OR2T12: variants seen among roughly 807,000 people sequenced by gnomAD.
OR2T12 encodes olfactory receptor family 2 subfamily T member 12.
For synonymous variants in OR2T12, 127 were observed against 160.5 expected (o/e 0.79, Z 1.58); for missense variants, 335 against 404.3 (o/e 0.83, Z 1.47).
chr1:248,295,638 C>G, intron 2 of OR2T12, 52 bp from the exon 3 acceptor site: 17 of 1,529,816 alleles, frequency 1.1e-5, no homozygotes, highest in Non-Finnish European at 1.4e-5. Context: ...CTTTTATGGT[C>G]TGAATAACTG....
chr1:248,297,535 A>C (rs1558278003), intron 2 of OR2T12, among the ~76,000 whole-genome samples: 1 of 152,140 alleles, frequency 6.6e-6, no homozygotes, highest in Non-Finnish European at 1.5e-5. Context: ...TTCATTGAGC[A>C]GTGGTTTGCA....
At chr1:248,297,050 C>A (rs943931056) in intron 2 of OR2T12, among the ~76,000 whole-genome samples, 2 of 152,120 alleles carry the variant, frequency 1.3e-5, no homozygotes, top group African/African-American at 4.8e-5. Context: ...AGGAAGGGAT[C>A]CAGCTTCAGC....
chr1:248,294,521 AACTT>A lies in OR2T12; in HGVS notation c.*91_*94del. Reference sequence around the variant, plus strand: ...AAATATCTTATTATATCAATACACAAACTTAATTTTCTCTTCATGAATTACTAAA... The same window carrying A: ...AAATATCTTATTATATCAATACACAAAATTTTCTCTTCATGAATTACTAAA... On this transcript the variant is annotated 3_prime_UTR_variant, in exon 3 of 3. Coordinates refer to ENST00000641276, the MANE Select transcript of OR2T12 (RefSeq NM_001004692.2). The A allele has an allele frequency of 6.9e-7, 1 of 1,457,170 alleles. No individual in the cohort carries two copies. The highest frequency in any genetic ancestry group is 9.3e-7 in the Non-Finnish European group (1 of 1,080,446). 90.3% of individuals were successfully genotyped at this position (1,457,170 alleles called of 1,614,324 possible). A position where few individuals can be genotyped will look rare whatever the true frequency, so the allele number is the denominator to read the frequency against.
At chr1:248,302,735 A>G (rs1048576189) in intron 1 of OR2T12, among the ~76,000 whole-genome samples, 1 of 152,100 alleles carries the variant, frequency 6.6e-6, no homozygotes, top group Non-Finnish European at 1.5e-5. Flanking sequence ...ATGTATAAGG[A>G]GATGTCCTGA....
intron 1 of OR2T12, among the ~76,000 whole-genome samples, chr1:248,302,807 C>A (rs1036787452): frequency 2.6e-5 from 4 of 152,012 alleles, no homozygotes; most frequent in Non-Finnish European, 5.9e-5. Flanking sequence ...ATACACATAG[C>A]CTGAATGTAA....
chr1:248,294,077 C>G lies in OR2T12; in HGVS notation c.*539G>C, dbSNP rs1659674597. The G allele has an allele frequency of 6.5e-6, 1 of 152,762 alleles. No homozygotes were observed. Among genetic ancestry groups the G allele is most frequent in the South Asian group, 2.0e-4 (1 of 4,888 alleles). The allele number at this position is 152,762 out of a possible 1,614,324, so 9.5% of individuals were successfully genotyped here. On this transcript the variant is annotated 3_prime_UTR_variant, in exon 3 of 3. Transcript: ENST00000641276. ...ATTTAGTTTTTAATTGTAGAGCATA[C>G]ACATGGGAAATAACACTCAAAATAC...
chr1:248,295,319 T>C lies in OR2T12; in HGVS notation c.260A>G (p.Asn87Ser), dbSNP rs149759122. The C allele has an allele frequency of 2.1e-3, 3,395 of 1,592,880 alleles. 18 individuals are homozygous for C. The African/African-American group carries it at 0.033, about 16-fold the overall frequency. The change falls in exon 3 of 3, where the codon AAT becomes AGT. Residue 87 changes from asparagine (N) to serine (S), a missense_variant. Physicochemically the swap from Asn to Ser is conservative, Grantham distance 46. Transcript: ENST00000641276. ...ACAGCCAGCGCGGGAGATGGCCTTATTTCCGGTCAAGTAGTCAGCCGCCAT... is the reference window on the plus strand; with the variant it reads ...ACAGCCAGCGCGGGAGATGGCCTTACTTCCGGTCAAGTAGTCAGCCGCCAT... ...PKMAADYLTG[N>S]KAISRAGCGV...
Position 248,295,340 on chromosome 1 carries a change from G to A in OR2T12, c.239C>T (p.Ala80Val). The A allele has an allele frequency of 6.2e-7, 1 of 1,607,654 alleles. No homozygotes were observed. Residue 80 changes from alanine to valine, a missense_variant, in exon 3 of 3, where the codon GCG becomes GTG. By Grantham distance (64) the Ala-to-Val change is moderately conservative (BLOSUM62 0). Coordinates refer to ENST00000641276, the MANE Select transcript of OR2T12 (RefSeq NM_001004692.2). Reference protein sequence around the residue: ...MLVSTTVPKMAADYLTGNKAI... With the variant: ...MLVSTTVPKMVADYLTGNKAI... ...CTTATTTCCGGTCAAGTAGTCAGCCGCCATTTTGGGCACAGTGGTGGAAAC... is the reference window on the plus strand; with the variant it reads ...CTTATTTCCGGTCAAGTAGTCAGCCACCATTTTGGGCACAGTGGTGGAAAC...
rs540106167 is a variant in OR2T12 at position 248,290,584 on chromosome 1, G to A, written c.*4032C>T. On this transcript the variant is annotated 3_prime_UTR_variant, in exon 3 of 3. Coordinates refer to ENST00000641276, the MANE Select transcript of OR2T12 (RefSeq NM_001004692.2). Reference sequence around the variant, plus strand: ...CCTTTGGGTATATACCCAGAAATGGGATTTCTGGGTCAAATGGCATTTCTA... The same window carrying A: ...CCTTTGGGTATATACCCAGAAATGGAATTTCTGGGTCAAATGGCATTTCTA... The A allele has an allele frequency of 6.6e-6, 1 of 152,250 alleles. No homozygotes were observed. Among genetic ancestry groups the A allele is most frequent in the Non-Finnish European group, 1.5e-5 (1 of 68,022 alleles). 9.4% of individuals were successfully genotyped at this position (152,250 alleles called of 1,614,324 possible). A position where few individuals can be genotyped will look rare whatever the true frequency, so the allele number is the denominator to read the frequency against.
rs1659809403 is a variant in OR2T12, at chr1:248,301,353, A to C, written c.-9+20T>G. 1 of 152,134 alleles carries C rather than the reference A, an allele frequency of 6.6e-6. No individual in the cohort carries two copies. The highest frequency in any genetic ancestry group is 6.5e-5 in the Admixed American group (1 of 15,270). The allele number at this position is 152,134 out of a possible 1,614,324, so 9.4% of individuals were successfully genotyped here. A position where few individuals can be genotyped will look rare whatever the true frequency, so the allele number is the denominator to read the frequency against. On this transcript the variant is annotated intron_variant, in intron 2 of 2. Transcript: ENST00000641276. ...CATTCCTTCTAAGTAAGTAAGATAC[A>C]TATGAGAAATTGTGCTTACCTTTAG...
At chr1:248,302,066 T>A (rs1239188306) in intron 1 of OR2T12, among the ~76,000 whole-genome samples, 2 of 151,302 alleles carry the variant, frequency 1.3e-5, no homozygotes, top group Non-Finnish European at 2.9e-5. Context: ...AGTGAAGCCT[T>A]ATGTGAAATA....
chr1:248,301,308 G>T (rs971486287), intron 2 of OR2T12, 65 bp downstream of exon 2: 1 of 152,066 alleles, frequency 6.6e-6, no homozygotes, highest in Non-Finnish European at 1.5e-5. Context: ...AAATAATGTT[G>T]TTTCTAACGA....
At chr1:248,295,990 G>A (rs976310730) in intron 2 of OR2T12, among the ~76,000 whole-genome samples, 4 of 151,598 alleles carry the variant, frequency 2.6e-5, no homozygotes, top group Non-Finnish European at 5.9e-5. Flanking sequence ...ATCTCCCAGT[G>A]CTATCCCTCC....
At chr1:248,295,994 T>C (rs1659720275) in intron 2 of OR2T12, among the ~76,000 whole-genome samples, 1 of 134,642 alleles carries the variant, frequency 7.4e-6, no homozygotes, top group Non-Finnish European at 1.6e-5. Flanking sequence ...CCCAGTGCTA[T>C]CCCTCCCCCC....
intron 2 of OR2T12, 82 bp downstream of exon 2, chr1:248,301,291 T>C (rs1471648533): frequency 6.6e-6 from 1 of 152,102 alleles, no homozygotes; most frequent in East Asian, 1.9e-4. Context: ...TAAAATTCTA[T>C]AAAGAAAAAT....
At chr1:248,300,159 AAAAGAATATGTCTCC>A (rs1478545788) in intron 2 of OR2T12, among the ~76,000 whole-genome samples, 1 of 152,176 alleles carries the variant, frequency 6.6e-6, no homozygotes, top group African/African-American at 2.4e-5. Flanking sequence ...AGTTTTTCCA[AAAAGAATATGTCTCC>A]AAAGCAAACA....
chr1:248,299,523 C>G (rs1659783493), intron 2 of OR2T12, among the ~76,000 whole-genome samples: 1 of 152,058 alleles, frequency 6.6e-6, no homozygotes, highest in African/African-American at 2.4e-5. Flanking sequence ...CAGGAGCATC[C>G]AGATTCATAA....
chr1:248,297,994 A>T (rs554509062), intron 2 of OR2T12, among the ~76,000 whole-genome samples: 1 of 151,504 alleles, frequency 6.6e-6, no homozygotes, highest in Admixed American at 6.6e-5. Context: ...GGTTTGTCAT[A>T]GATAGCTCTT....
At position 248,292,558 on chromosome 1, in the gene OR2T12, A is replaced by G. The variant is rs1659647088; in HGVS notation, c.*2058T>C. On this transcript the variant is annotated 3_prime_UTR_variant, in exon 3 of 3. Transcript: ENST00000641276. ...TTATTAAGAAAATAAGAGTAGAAAC[A>G]TCTGCAAGTTACAAAAGCAATAAGA... The G allele has an allele frequency of 2.0e-5, 3 of 152,160 alleles. No individual in the cohort carries two copies. Among genetic ancestry groups the G allele is most frequent in the Admixed American group, 6.5e-5 (1 of 15,270 alleles). 9.4% of individuals were successfully genotyped at this position (152,160 alleles called of 1,614,324 possible).
Sources: allele counts gnomAD v4.1 joint callset (sites outside exome capture counted in the v4.1 genomes callset), GRCh38; gene constraint gnomAD v4.1.1; transcripts MANE v1.5; gene names NCBI Gene and HGNC (gene_info 2026-07-23, HGNC 2026-07-21).